The following EBF4 variants were observed in gnomAD, a reference collection of about 807,000 sequenced individuals.
EBF4 encodes transcription factor COE4.
EBF4 carries 34 observed loss-of-function variants against 67.1 expected under a neutral mutation model. The observed-to-expected ratio is 0.51, with a 90% CI of 0.39 to 0.67. EBF4 has a LOEUF of 0.67. Among genes scored for constraint, EBF4 ranks in the 30% least tolerant of loss-of-function variants. The pLI is 0.00. For synonymous variants in EBF4, 387 were observed against 377.7 expected (o/e 1.02, Z -0.29); for missense variants, 837 against 873.3 (o/e 0.96, Z 0.52).
Position 2,707,823 on chromosome 20 carries a change from T to A in EBF4, c.415-124T>A. The stretch of plus-strand genomic sequence containing the variant: ...GCAGCCCAGAGCAAGGCAGAGGGCG[T>A]GCTCTTCCCTGGGGCAGGGTCTCCC... On this transcript the variant is annotated intron_variant, in intron 4 of 16. Coordinates refer to ENST00000609451, the Ensembl canonical transcript of EBF4. The surrounding 1 kb of genome is among the most constrained non-coding windows in gnomAD (Gnocchi z 4.6). 1.1e-6 allele frequency: 1 copy of A among 943,042 alleles called. No homozygotes were observed. Among genetic ancestry groups the A allele is most frequent in the Non-Finnish European group, 1.5e-6 (1 of 652,934 alleles). 58.4% of individuals were successfully genotyped at this position (943,042 alleles called of 1,614,324 possible).
chr20:2,715,291 C>T (rs1249036480), intron 6 of EBF4, among the ~76,000 whole-genome samples: 1 of 152,114 alleles, frequency 6.6e-6, no homozygotes, highest in Non-Finnish European at 1.5e-5. Flanking sequence ...TTGCAGCAAC[C>T]TTCTGCAATG....
intron 1 of EBF4, among the ~76,000 whole-genome samples, chr20:2,700,366 C>A (rs926785299): frequency 6.6e-6 from 1 of 152,162 alleles, no homozygotes; most frequent in South Asian, 2.1e-4. Context: ...GCTTCAGAGG[C>A]TCTATTCCCC....
intron 1 of EBF4, among the ~76,000 whole-genome samples, chr20:2,704,856 C>T (rs1430281982): frequency 6.6e-6 from 1 of 152,218 alleles, no homozygotes; most frequent in African/African-American, 2.4e-5. Context: ...AGAGGGAATG[C>T]CTTCCTCCTG....
intron 1 of EBF4, among the ~76,000 whole-genome samples, chr20:2,700,238 G>A (rs1357332168): frequency 6.6e-6 from 1 of 151,944 alleles, no homozygotes; most frequent in Non-Finnish European, 1.5e-5. Flanking sequence ...TCTCATCTTT[G>A]TCTCACCCCC....
intron 4 of EBF4, 61 bp downstream of exon 4, chr20:2,706,325 CT>C (rs1568568462): frequency 1.3e-6 from 2 of 1,541,688 alleles, no homozygotes; most frequent in East Asian, 2.4e-5. Context: ...CTGCCTCCCC[CT>C]GGTCTGAGTG....
chr20:2,709,047 G>A lies in EBF4; in HGVS notation c.489-527G>A, dbSNP rs376136501. 1.4e-3 allele frequency among the ~76,000 whole-genome samples: 220 copies of A among 152,264 alleles called. 1 individual carries two copies. Among genetic ancestry groups the A allele is most frequent in the African/African-American group, 5.1e-3 (211 of 41,548 alleles). On this transcript the variant is annotated intron_variant, in intron 5 of 16. Coordinates refer to ENST00000609451, the Ensembl canonical transcript of EBF4. ...CCAAAATTACAAAAATTAGCCAGGC[G>A]TGGTGGTGCACACCTGTAATCCCAG...
At chr20:2,706,642 C>T (rs1275650469) in intron 4 of EBF4, among the ~76,000 whole-genome samples, 2 of 152,110 alleles carry the variant, frequency 1.3e-5, no homozygotes, top group African/African-American at 2.4e-5. Flanking sequence ...GAAGTGTCCC[C>T]CCTCGAAGCA....
At chr20:2,723,961 A>C (rs2087717924) in intron 6 of EBF4, among the ~76,000 whole-genome samples, 1 of 152,010 alleles carries the variant, frequency 6.6e-6, no homozygotes, top group Non-Finnish European at 1.5e-5. Context: ...AATGGTTTGG[A>C]ACTGTATTCA....
rs1281229566 is a variant in EBF4 at position 2,693,725 on chromosome 20, C to T, written c.80C>T (p.Ser27Leu). 2 of 1,386,888 alleles carry T rather than the reference C, an allele frequency of 1.4e-6. No individual in the cohort carries two copies. Among genetic ancestry groups the T allele is most frequent in the Non-Finnish European group, 1.9e-6 (2 of 1,077,294 alleles). 85.9% of individuals were successfully genotyped at this position (1,386,888 alleles called of 1,614,324 possible). The change falls in exon 1 of 17, where the codon TCA becomes TTA. Residue 27 changes from serine to leucine, a missense_variant. By Grantham distance (145) the Ser-to-Leu change is moderately radical. Around this residue, in one of 3 missense-constraint regions of EBF4, gnomAD observed 86 missense variants for 70.3 expected, o/e 1.22. Coordinates refer to ENST00000609451, the Ensembl canonical transcript of EBF4. This position sits in a 1 kb window ranked among gnomAD's most constrained non-coding sequence, Gnocchi z 4.6. The stretch of plus-strand genomic sequence containing the variant: ...CCGCTGCTGCCCGCCGGCCTGGGCT[C>T]AGTGCGCTCCTGGATGCAGGGCGCG...
intron 4 of EBF4, among the ~76,000 whole-genome samples, chr20:2,706,899 G>A (rs1025686678): frequency 1.3e-5 from 2 of 152,220 alleles, no homozygotes; most frequent in Non-Finnish European, 2.9e-5. Flanking sequence ...TGATGTGACG[G>A]TTACGGGAAG....
chr20:2,727,829 A>G (rs1313373951), intron 6 of EBF4, among the ~76,000 whole-genome samples: 1 of 152,186 alleles, frequency 6.6e-6, no homozygotes, highest in Non-Finnish European at 1.5e-5. Flanking sequence ...ATCTTTTCAT[A>G]TGCTTCTTGA....
At chr20:2,728,511 A>T (rs1047992748) in intron 6 of EBF4, among the ~76,000 whole-genome samples, 2 of 152,138 alleles carry the variant, frequency 1.3e-5, no homozygotes, top group African/African-American at 4.8e-5. Flanking sequence ...GGCTGAAGGG[A>T]AAAGAGGTTC....
intron 6 of EBF4, among the ~76,000 whole-genome samples, chr20:2,726,516 G>C (rs1376675667): frequency 6.6e-6 from 1 of 151,614 alleles, no homozygotes; most frequent in Non-Finnish European, 1.5e-5. Flanking sequence ...AGGAGTTCAA[G>C]GTTACCGTGA....
chr20:2,728,457 C>CTAGA (rs2087772036), intron 6 of EBF4, among the ~76,000 whole-genome samples: 1 of 152,102 alleles, frequency 6.6e-6, no homozygotes. Context: ...CACCTTCACC[C>CTAGA]CTACTTATTA....
In EBF4 at chr20:2,755,265, T is replaced by G. The variant is rs1180240355; in HGVS notation, c.1541-362T>G. The G allele has an allele frequency of 3.7e-6, 1 of 267,540 alleles. No individual in the cohort carries two copies. Among genetic ancestry groups the G allele is most frequent in the African/African-American group, 2.2e-5 (1 of 44,580 alleles). The allele number at this position is 267,540 out of a possible 1,614,324, so 16.6% of individuals were successfully genotyped here. A position where few individuals can be genotyped will look rare whatever the true frequency, so the allele number is the denominator to read the frequency against. Reference sequence around the variant, plus strand: ...TGGCACCCCAAGCAAGGCTCATAAATGTTTCCTAGCATCTCAGAATCCCAG... The same window carrying G: ...TGGCACCCCAAGCAAGGCTCATAAAGGTTTCCTAGCATCTCAGAATCCCAG... On this transcript the variant is annotated intron_variant, in intron 14 of 16. Coordinates refer to ENST00000609451, the Ensembl canonical transcript of EBF4. The surrounding 1 kb of genome is among the most constrained non-coding windows in gnomAD (Gnocchi z 4.7).
Position 2,739,903 on chromosome 20 carries a change from A to G in EBF4, c.558-8646A>G, listed in dbSNP as rs1308432277. ...CTTTCCCAAGGCCTTCACAGGACACACTGTTGTTTGGAACATCCTGCCCCA... is the reference window on the plus strand; with the variant it reads ...CTTTCCCAAGGCCTTCACAGGACACGCTGTTGTTTGGAACATCCTGCCCCA... On this transcript the variant is annotated intron_variant, in intron 6 of 16. Transcript: ENST00000609451. This position sits in a 1 kb window ranked among gnomAD's most constrained non-coding sequence, Gnocchi z 4.5. Among the ~76,000 whole-genome samples, 1 of 152,208 alleles carries G rather than the reference A, an allele frequency of 6.6e-6. No homozygotes were observed. The highest frequency in any genetic ancestry group is 1.5e-5 in the Non-Finnish European group (1 of 68,034).
intron 6 of EBF4, among the ~76,000 whole-genome samples, chr20:2,723,938 T>C (rs1241250469): frequency 1.3e-5 from 2 of 152,252 alleles, no homozygotes; most frequent in African/African-American, 2.4e-5. Context: ...TCTTATCTCA[T>C]TTTCTCTTCT....
At chr20:2,738,906 A>T (rs2087927826) in intron 6 of EBF4, among the ~76,000 whole-genome samples, 1 of 152,170 alleles carries the variant, frequency 6.6e-6, no homozygotes, top group Non-Finnish European at 1.5e-5. Flanking sequence ...GTGCGGGTGC[A>T]TTGGCATGCT....
intron 6 of EBF4, among the ~76,000 whole-genome samples, chr20:2,736,906 C>T (rs543605468): frequency 5.9e-5 from 9 of 152,274 alleles, no homozygotes; most frequent in African/African-American, 1.7e-4. Flanking sequence ...GCCAGACTGG[C>T]CTCCATGCTG....
Sources: gnomAD v4.1 joint callset for allele counts (sites outside exome capture counted in the v4.1 genomes callset) on GRCh38, gnomAD v4.1.1 for gene constraint, gnomAD v4.1.1 regional missense constraint, Gnocchi (gnomAD v3.1) non-coding constraint, MANE v1.5 for transcripts, NCBI Gene and HGNC (gene_info 2026-07-23, HGNC 2026-07-21) for gene names.